NEU3: variants seen among roughly 807,000 people sequenced by gnomAD.
NEU3 encodes neuraminidase 3, also known as sialidase-3.
Under a neutral mutation model 11.4 loss-of-function variants are expected in NEU3, and 10 were observed. The observed-to-expected ratio is 0.88, with a 90% confidence interval of 0.54 to 1.49. The LOEUF is 1.49. Ranked by LOEUF, NEU3 falls within the 40% of genes most tolerant of loss-of-function variation. NEU3 has a pLI of 0.00. For synonymous variants in NEU3, 212 were observed against 228.2 expected (o/e 0.93, Z 0.64); for missense variants, 529 against 581.8 (o/e 0.91, Z 0.93).
Position 75,007,939 on chromosome 11 carries a change from T to G in NEU3, c.*1447T>G, listed in dbSNP as rs1948915407. 6.6e-6 allele frequency: 1 copy of G among 151,778 alleles called. No individual in the cohort carries two copies. The highest frequency in any genetic ancestry group is 6.6e-5 in the Admixed American group (1 of 15,226). 9.4% of individuals were successfully genotyped at this position (151,778 alleles called of 1,614,324 possible). On this transcript the variant is annotated 3_prime_UTR_variant, in exon 3 of 3. Transcript: ENST00000294064. ...AGTCATGAAATATAGCCTAGGAGACTAGGGGTTACAGTTGCACTAGTTGGG... is the reference window on the plus strand; with the variant it reads ...AGTCATGAAATATAGCCTAGGAGACGAGGGGTTACAGTTGCACTAGTTGGG...
intron 2 of NEU3, among the ~76,000 whole-genome samples, chr11:75,000,367 A>G (rs1473963474): frequency 6.6e-6 from 1 of 152,186 alleles, no homozygotes; most frequent in Non-Finnish European, 1.5e-5. Flanking sequence ...CTGAAAGTCT[A>G]CACCCATTAA....
At chr11:75,011,074 T>C (rs935771903), downstream of NEU3, among the ~76,000 whole-genome samples, 5 of 152,180 alleles carry the variant, frequency 3.3e-5, no homozygotes, top group African/African-American at 1.2e-4. Context: ...TACACATTGT[T>C]ATTTGAACTT....
At chr11:74,996,882 G>A (rs767280234) in intron 2 of NEU3, among the ~76,000 whole-genome samples, 31 of 152,292 alleles carry the variant, frequency 2.0e-4, no homozygotes, top group South Asian at 6.2e-4. Context: ...GACAAGGTAC[G>A]TTGTCAATGA....
At position 75,005,968 on chromosome 11, in the gene NEU3, C is replaced by T. The variant is rs1948893854; in HGVS notation, c.862C>T (p.Leu288Phe). 1 of 1,613,894 alleles carries T rather than the reference C, an allele frequency of 6.2e-7. No homozygotes were observed. Residue 288 changes from leucine to phenylalanine, a missense_variant, in exon 3 of 3, where the codon CTC becomes TTC. Leu to Phe is a conservative substitution (Grantham distance 22). Coordinates refer to ENST00000294064, the MANE Select transcript of NEU3 (RefSeq NM_006656.6). Reference protein sequence around the residue: ...RTPNRCRAEALSTDHGEGFQR... With the variant: ...RTPNRCRAEAFSTDHGEGFQR... Reference sequence around the variant, plus strand: ...ACCAAACAGGTGCCGGGCAGAGGCGCTCAGCACTGACCATGGTGAAGGCTT... The same window carrying T: ...ACCAAACAGGTGCCGGGCAGAGGCGTTCAGCACTGACCATGGTGAAGGCTT...
At chr11:75,011,556 C>T (rs1948955625), downstream of NEU3, among the ~76,000 whole-genome samples, 1 of 152,126 alleles carries the variant, frequency 6.6e-6, no homozygotes, top group Non-Finnish European at 1.5e-5. Context: ...TGGAGAATGC[C>T]TGTGTCAGTA....
intron 2 of NEU3, among the ~76,000 whole-genome samples, chr11:75,003,229 A>G (rs1948863884): frequency 1.3e-5 from 2 of 152,162 alleles, no homozygotes; most frequent in Admixed American, 1.3e-4. Context: ...AAATTACATG[A>G]CAGTTTACCA....
rs527973476 is a variant in NEU3 at position 74,989,069 on chromosome 11, T to G, written c.9T>G (p.Pro3=). The G allele has an allele frequency of 1.9e-6, 3 of 1,550,408 alleles. No individual in the cohort carries two copies. In the African/African-American group the frequency reaches 4.1e-5, roughly 21 times the overall value. ...CTTCCGGGCTTCGGCGAATGAGACC[T>G]GCGGACCTGCCCCCGCGCCCCATGG... is the stretch of plus-strand genomic sequence containing the variant. MR[P]ADLPPRPMEE... Residue 3 remains proline, a synonymous_variant, in exon 1 of 3, where the codon CCT becomes CCG. Coordinates refer to ENST00000294064, the MANE Select transcript of NEU3 (RefSeq NM_006656.6).
downstream of NEU3, among the ~76,000 whole-genome samples, chr11:75,019,523 A>G (rs1323496681): frequency 6.6e-6 from 1 of 152,220 alleles, no homozygotes; most frequent in Non-Finnish European, 1.5e-5. Context: ...CAGCTTCCAC[A>G]GTGTTCAAAA....
At position 74,994,732 on chromosome 11, in the gene NEU3, T is replaced by A; in HGVS notation, c.306+12T>A. ...GGCAGTTGGTACAGGTGACTCTTCA[T>A]CCCAGATCTGAGTCTGGGCCTCAGT... On this transcript the variant is annotated intron_variant, in intron 2 of 2. Transcript: ENST00000294064. 1.2e-6 allele frequency: 2 copies of A among 1,610,274 alleles called. No homozygotes were observed. Among genetic ancestry groups the A allele is most frequent in the South Asian group, 2.2e-5 (2 of 91,022 alleles).
chr11:74,994,398 T>G, intron 1 of NEU3, 111 bp from the exon 2 acceptor site: 1 of 709,314 alleles, frequency 1.4e-6, no homozygotes, highest in Non-Finnish European at 2.3e-6. Flanking sequence ...CATTTGAATA[T>G]ATCTGTGCCC....
At chr11:74,987,896 TTC>T (rs1460408105), upstream of NEU3, among the ~76,000 whole-genome samples, 483 of 15,686 alleles carry the variant, frequency 0.031, 76 homozygotes, top group African/African-American at 0.071. Flanking sequence ...CTTTTTTTTT[TTC>T]TTTTTTTTTT....
Position 74,989,101 on chromosome 11 carries a change from C to T in NEU3, c.41C>T (p.Ser14Phe). 6.4e-7 allele frequency: 1 copy of T among 1,550,870 alleles called. No individual in the cohort carries two copies. Among genetic ancestry groups the T allele is most frequent in the Non-Finnish European group, 8.7e-7 (1 of 1,146,898 alleles). Residue 14 changes from serine (S) to phenylalanine (F), a missense_variant, in exon 1 of 3, where the codon TCC becomes TTC. Physicochemically the swap from Ser to Phe is radical, Grantham distance 155. Coordinates refer to ENST00000294064, the MANE Select transcript of NEU3 (RefSeq NM_006656.6). ...ADLPPRPMEE[S>F]PASSSAPTET... ...CTGCCCCCGCGCCCCATGGAAGAAT[C>T]CCCGGCGTCCAGCTCTGCCCCGACA...
downstream of NEU3, among the ~76,000 whole-genome samples, chr11:75,012,307 C>A (rs1948961112): frequency 6.6e-6 from 1 of 152,218 alleles, no homozygotes; most frequent in Non-Finnish European, 1.5e-5. Flanking sequence ...ATGGTTGAAA[C>A]CTTCCTCAAT....
intron 2 of NEU3, among the ~76,000 whole-genome samples, chr11:74,995,561 A>C (rs879483988): frequency 5.9e-5 from 9 of 152,134 alleles, no homozygotes; most frequent in Non-Finnish European, 1.0e-4. Context: ...AAGACACATA[A>C]ATTTTTTGGT....
In NEU3 at chr11:75,005,488, C is replaced by T; in HGVS notation, c.382C>T (p.Gln128Ter). The part of the protein sequence containing the change: ...RTMNPCPVWE[Q>*]KSGCVFLFFI... ...CATGAACCCCTGTCCTGTATGGGAG[C>T]AGAAGAGTGGTTGTGTGTTCCTGTT... Residue 128 changes from glutamine (Q) to a stop codon, truncating the protein, a stop_gained, in exon 3 of 3, where the codon CAG becomes TAG. Coordinates refer to ENST00000294064, the MANE Select transcript of NEU3 (RefSeq NM_006656.6). LOFTEE classifies it low-confidence loss of function (END_TRUNC). 6.2e-7 allele frequency: 1 copy of T among 1,613,924 alleles called. No homozygotes were observed. Among genetic ancestry groups the T allele is most frequent in the Non-Finnish European group, 8.5e-7 (1 of 1,179,844 alleles).
At chr11:74,998,977 A>G (rs956435662) in intron 2 of NEU3, among the ~76,000 whole-genome samples, 1 of 152,170 alleles carries the variant, frequency 6.6e-6, no homozygotes, top group African/African-American at 2.4e-5. Context: ...TAGGCTGTTA[A>G]GCATTTTTTT....
At chr11:74,980,710 T>C in the NEU3 span, among the ~76,000 whole-genome samples, 2 of 152,218 alleles carry the variant, frequency 1.3e-5, no homozygotes, top group Admixed American at 6.5e-5. Flanking sequence ...TGTCTGTTAA[T>C]AAGGAACTGG....
downstream of NEU3, among the ~76,000 whole-genome samples, chr11:75,019,112 G>A (rs575347424): frequency 6.6e-6 from 1 of 152,268 alleles, no homozygotes; most frequent in African/African-American, 2.4e-5. Context: ...GAGGTGACTT[G>A]GGTGCTGTTA....
chr11:74,993,953 G>A (rs1948759183), intron 1 of NEU3, among the ~76,000 whole-genome samples: 2 of 151,952 alleles, frequency 1.3e-5, no homozygotes, highest in Admixed American at 1.3e-4. Flanking sequence ...TCTCAACACT[G>A]CCATATCAGG....
Sources: allele counts gnomAD v4.1 joint callset (sites outside exome capture counted in the v4.1 genomes callset), GRCh38; gene constraint gnomAD v4.1.1; transcripts MANE v1.5; gene names NCBI Gene and HGNC (gene_info 2026-07-23, HGNC 2026-07-21).